CTNNA3: variants seen among roughly 807,000 people sequenced by gnomAD.
CTNNA3 encodes the protein catenin alpha 3, also known as catenin alpha-3.
Under a neutral mutation model 95.7 loss-of-function variants are expected in CTNNA3, and 76 were observed. That is an observed-to-expected ratio of 0.79 (90% confidence interval 0.66 to 0.96). CTNNA3 has a LOEUF of 0.96. CTNNA3 is among the 40% of genes least tolerant of loss of function. CTNNA3 has a pLI of 0.00. For synonymous variants in CTNNA3, 431 were observed against 374.4 expected, an observed-to-expected ratio of 1.15 and a Z score of -1.74; for missense variants, 1,191 against 1,089.8, an observed-to-expected ratio of 1.09 and a Z score of -1.31.
At chr10:66,732,431 C>T (rs762471994) in intron 9 of CTNNA3, among the ~76,000 whole-genome samples, 2 of 152,124 alleles carry the variant, frequency 1.3e-5, no homozygotes, top group South Asian at 2.1e-4. Context: ...CTGGTAATAA[C>T]GACATTCTCG....
intron 9 of CTNNA3, among the ~76,000 whole-genome samples, chr10:66,725,500 A>G (rs1356177088): frequency 6.6e-6 from 1 of 152,278 alleles, no homozygotes; most frequent in East Asian, 1.9e-4. Context: ...GATGAACACA[A>G]TAAACCCATG....
chr10:66,190,985 C>A (rs1341755657), intron 13 of CTNNA3, among the ~76,000 whole-genome samples: 1 of 152,000 alleles, frequency 6.6e-6, no homozygotes, highest in Non-Finnish European at 1.5e-5. Context: ...GATCATTAAT[C>A]CAGAATTATT....
intron 5 of CTNNA3, among the ~76,000 whole-genome samples, chr10:67,379,651 A>T (rs926454892): frequency 6.6e-6 from 1 of 152,192 alleles, no homozygotes; most frequent in South Asian, 2.1e-4. Flanking sequence ...AATACAAGCC[A>T]TCTGATCTAG....
At chr10:67,509,551 A>G (rs745532744) in intron 5 of CTNNA3, among the ~76,000 whole-genome samples, 10 of 152,194 alleles carry the variant, frequency 6.6e-5, no homozygotes, top group Non-Finnish European at 1.3e-4. Flanking sequence ...ATAGTATTCC[A>G]TGGTGTATAT....
chr10:67,231,782 A>G (rs1044768174), intron 5 of CTNNA3, among the ~76,000 whole-genome samples: 5 of 152,222 alleles, frequency 3.3e-5, no homozygotes, highest in African/African-American at 7.2e-5. Context: ...AGAAGAATGT[A>G]TAACCACAAG....
intron 13 of CTNNA3, among the ~76,000 whole-genome samples, chr10:66,198,546 G>A (rs900646079): frequency 5.9e-5 from 9 of 152,052 alleles, no homozygotes; most frequent in African/African-American, 2.2e-4. Flanking sequence ...CTGCTAGACT[G>A]TGAATAATAA....
At chr10:66,191,295 C>T (rs952454822) in intron 13 of CTNNA3, among the ~76,000 whole-genome samples, 7 of 152,080 alleles carry the variant, frequency 4.6e-5, no homozygotes, top group Admixed American at 6.6e-5. Flanking sequence ...ATAAGACAAT[C>T]CTTCTGGATT....
At chr10:67,480,577 T>G (rs1035354533) in intron 5 of CTNNA3, among the ~76,000 whole-genome samples, 2 of 152,232 alleles carry the variant, frequency 1.3e-5, no homozygotes, top group African/African-American at 4.8e-5. Context: ...AACAATAGCA[T>G]GAGCAATCTG....
intron 5 of CTNNA3, among the ~76,000 whole-genome samples, chr10:67,275,719 T>C (rs1365895949): frequency 6.6e-6 from 1 of 152,178 alleles, no homozygotes; most frequent in Admixed American, 6.6e-5. Flanking sequence ...GAGGCATGTA[T>C]CACATTATAA....
intron 10 of CTNNA3, among the ~76,000 whole-genome samples, chr10:66,602,231 CA>C (rs1467559341): frequency 6.6e-6 from 1 of 151,866 alleles, no homozygotes; most frequent in East Asian, 1.9e-4. Flanking sequence ...AGACATTCTC[CA>C]TTTGGTTAAA....
At chr10:66,499,913 C>G (rs1036049490) in intron 11 of CTNNA3, among the ~76,000 whole-genome samples, 1 of 151,722 alleles carries the variant, frequency 6.6e-6, no homozygotes, top group African/African-American at 2.4e-5. Flanking sequence ...AGCAATTCAC[C>G]TGCCTCAGCC....
At chr10:67,311,357 G>T (rs947729351) in intron 5 of CTNNA3, among the ~76,000 whole-genome samples, 1 of 152,168 alleles carries the variant, frequency 6.6e-6, no homozygotes, top group African/African-American at 2.4e-5. Context: ...ATGGAAGGAG[G>T]GGGGTTGGGA....
rs144459781 is a variant in CTNNA3, at chr10:66,700,364, C to T, written c.1281+65900G>A. ...TCTTTGCCTGTGGATATCCAGTTTTCGCAACACCAGTTATTGAAGATACTA... is the reference window on the plus strand; with the variant it reads ...TCTTTGCCTGTGGATATCCAGTTTTTGCAACACCAGTTATTGAAGATACTA... On this transcript the variant is annotated intron_variant, in intron 9 of 17. Transcript: ENST00000433211. Among the ~76,000 whole-genome samples, 254 of 152,164 alleles carry T rather than the reference C, an allele frequency of 1.7e-3. 2 individuals are homozygous for T. The highest frequency in any genetic ancestry group is 5.6e-3 in the African/African-American group (232 of 41,548).
chr10:66,594,626 T>C (rs1431941995), intron 10 of CTNNA3, among the ~76,000 whole-genome samples: 3 of 152,204 alleles, frequency 2.0e-5, no homozygotes, highest in Admixed American at 6.5e-5. Context: ...TTTTCCTTTA[T>C]GCTATAAAAC....
intron 1 of CTNNA3, chr10:67,751,060 T>C: frequency 6.7e-7 from 1 of 1,492,188 alleles, no homozygotes; most frequent in African/African-American, 1.4e-5. Flanking sequence ...AATGTGACTG[T>C]GATCCCCAAG....
At chr10:67,526,598 AGTT>A (rs760123249) in intron 4 of CTNNA3, among the ~76,000 whole-genome samples, 1 of 152,040 alleles carries the variant, frequency 6.6e-6, no homozygotes, top group Non-Finnish European at 1.5e-5. Flanking sequence ...TACTTCACTC[AGTT>A]GTTGTGAAAT....
At chr10:67,258,712 T>C (rs937423855) in intron 5 of CTNNA3, among the ~76,000 whole-genome samples, 4 of 152,322 alleles carry the variant, frequency 2.6e-5, no homozygotes, top group African/African-American at 9.6e-5. Flanking sequence ...TAAAAATTAG[T>C]CACTTTCTCA....
chr10:66,620,084 GAAT>G (rs1317218959), intron 10 of CTNNA3, among the ~76,000 whole-genome samples: 1 of 152,046 alleles, frequency 6.6e-6, no homozygotes, highest in Non-Finnish European at 1.5e-5. Flanking sequence ...TCTGTATGTT[GAAT>G]AATAATACTT....
At chr10:67,488,053 G>T (rs192304955) in intron 5 of CTNNA3, among the ~76,000 whole-genome samples, 1 of 152,158 alleles carries the variant, frequency 6.6e-6, no homozygotes, top group Non-Finnish European at 1.5e-5. Flanking sequence ...GTTTGTGAGG[G>T]AGGTAGATGT....
Sources: gnomAD v4.1 joint callset for allele counts (sites outside exome capture counted in the v4.1 genomes callset) on GRCh38, gnomAD v4.1.1 for gene constraint, MANE v1.5 for transcripts, NCBI Gene and HGNC (gene_info 2026-07-23, HGNC 2026-07-21) for gene names.